The following ROBO1 variants were observed in gnomAD, a reference collection of about 807,000 sequenced individuals.
The protein encoded by ROBO1 is roundabout guidance receptor 1, also known as roundabout homolog 1.
A neutral mutation model predicts 195.9 loss-of-function variants in ROBO1; 149 were observed. The ratio of observed to expected loss-of-function variants is 0.76; its 90% confidence interval spans 0.67 to 0.87. The LOEUF is 0.87. Ranked by LOEUF, ROBO1 falls within the 40% of genes least tolerant of loss-of-function variation. The pLI is 0.00. For synonymous variants in ROBO1, 816 were observed against 733.2 expected (o/e 1.11, Z -1.82); for missense variants, 1,933 against 2,068.3 (o/e 0.93, Z 1.27).
In ROBO1 at chr3:78,888,408, C is replaced by T. The variant is rs376947859; in HGVS notation, c.499+50193G>A. On this transcript the variant is annotated intron_variant, in intron 4 of 30. Coordinates refer to ENST00000464233, the MANE Select transcript of ROBO1 (RefSeq NM_002941.4). ...TGGAGTTTAAACTATTGAGCTACTA[C>T]AACAAAGCTACTGCTAGTCTTCTGT... Among the ~76,000 whole-genome samples, 11 of 152,270 alleles carry T rather than the reference C, an allele frequency of 7.2e-5. No individual in the cohort carries two copies. The South Asian group carries it at 1.0e-3, about 14-fold the overall frequency.
intron 1 of ROBO1, among the ~76,000 whole-genome samples, chr3:79,724,807 T>TG (rs1049088912): frequency 3.3e-5 from 5 of 152,208 alleles, no homozygotes; most frequent in Admixed American, 2.0e-4. Context: ...CACAAAGTTT[T>TG]GGGGTAATTT....
Position 78,646,608 on chromosome 3 carries a change from GA to G in ROBO1, c.2840-419del, listed in dbSNP as rs35671439. On this transcript the variant is annotated intron_variant, in intron 20 of 30. Coordinates refer to ENST00000464233, the MANE Select transcript of ROBO1 (RefSeq NM_002941.4). ...TATATAGGTGTAAACTTAAACTCAGGAAAAAAAAAAACTACTAGATTATTTT... is the reference window on the plus strand; with the variant it reads ...TATATAGGTGTAAACTTAAACTCAGGAAAAAAAAAACTACTAGATTATTTT... Among the ~76,000 whole-genome samples the G allele has an allele frequency of 5.7e-3, 834 of 146,202 alleles. 7 individuals are homozygous for G. Among genetic ancestry groups the G allele is most frequent in the African/African-American group, 0.02 (793 of 40,160 alleles).
chr3:79,553,180 C>A (rs1942581676), intron 2 of ROBO1, among the ~76,000 whole-genome samples: 1 of 151,906 alleles, frequency 6.6e-6, no homozygotes. Context: ...GATTCGACAC[C>A]TCCATTTATT....
intron 2 of ROBO1, among the ~76,000 whole-genome samples, chr3:79,567,194 C>A (rs772180141): frequency 1.3e-5 from 2 of 152,036 alleles, no homozygotes; most frequent in Non-Finnish European, 2.9e-5. Context: ...TAAGTGGGAG[C>A]TGAACGATGA....
chr3:79,266,684 G>A (rs1453288246), intron 2 of ROBO1, among the ~76,000 whole-genome samples: 2 of 151,514 alleles, frequency 1.3e-5, no homozygotes, highest in African/African-American at 4.8e-5. Context: ...CCCTGAGTAG[G>A]TCTATTTGGT....
intron 2 of ROBO1, among the ~76,000 whole-genome samples, chr3:79,318,549 A>G (rs1039906836): frequency 1.3e-5 from 2 of 152,220 alleles, no homozygotes; most frequent in Admixed American, 1.3e-4. Flanking sequence ...TATTCTGGAG[A>G]CAGATTCAGC....
chr3:78,936,129 A>G (rs1243191385), intron 4 of ROBO1, among the ~76,000 whole-genome samples: 1 of 152,026 alleles, frequency 6.6e-6, no homozygotes, highest in East Asian at 1.9e-4. Flanking sequence ...ACTTCAACTT[A>G]AATAAATATT....
intron 4 of ROBO1, among the ~76,000 whole-genome samples, chr3:78,908,649 G>A: frequency 6.6e-6 from 1 of 151,752 alleles, no homozygotes; most frequent in Admixed American, 6.6e-5. Flanking sequence ...ATTCCTTATA[G>A]CATTAGTTTA....
chr3:79,671,297 A>G (rs1946624702), intron 1 of ROBO1, among the ~76,000 whole-genome samples: 1 of 151,896 alleles, frequency 6.6e-6, no homozygotes, highest in Non-Finnish European at 1.5e-5. Context: ...ATTCTCTTTT[A>G]AATAGAAATC....
At chr3:78,778,901 T>C (rs2083584553) in intron 4 of ROBO1, among the ~76,000 whole-genome samples, 1 of 152,064 alleles carries the variant, frequency 6.6e-6, no homozygotes, top group African/African-American at 2.4e-5. Context: ...ATGGTACTAG[T>C]ACCAAAACAA....
intron 1 of ROBO1, among the ~76,000 whole-genome samples, chr3:79,717,573 ACAT>A (rs1331885319): frequency 1.3e-5 from 2 of 152,016 alleles, no homozygotes; most frequent in African/African-American, 4.8e-5. Context: ...ATTTGAGAAA[ACAT>A]CATTTTCCCC....
At chr3:79,681,535 T>G (rs746944930) in intron 1 of ROBO1, among the ~76,000 whole-genome samples, 2 of 151,968 alleles carry the variant, frequency 1.3e-5, no homozygotes, top group Non-Finnish European at 2.9e-5. Flanking sequence ...GAATGTAAAG[T>G]GTGAAAAATA....
chr3:78,836,719 A>C (rs747386483), intron 4 of ROBO1, among the ~76,000 whole-genome samples: 12 of 152,098 alleles, frequency 7.9e-5, no homozygotes, highest in Non-Finnish European at 1.6e-4. Context: ...ATAAAGAAAA[A>C]CATCATAGTC....
At chr3:79,679,109 C>G (rs1345183452) in intron 1 of ROBO1, among the ~76,000 whole-genome samples, 2 of 151,956 alleles carry the variant, frequency 1.3e-5, no homozygotes, top group Non-Finnish European at 2.9e-5. Flanking sequence ...TACACTTCCT[C>G]TAATTAACAA....
At chr3:79,046,003 G>A (rs900652398) in intron 3 of ROBO1, among the ~76,000 whole-genome samples, 1 of 152,108 alleles carries the variant, frequency 6.6e-6, no homozygotes, top group Non-Finnish European at 1.5e-5. Flanking sequence ...CTCTAAGTTG[G>A]CCTTCCCTGA....
At chr3:79,572,896 G>A (rs547518770) in intron 2 of ROBO1, among the ~76,000 whole-genome samples, 19 of 152,132 alleles carry the variant, frequency 1.2e-4, no homozygotes, top group Admixed American at 3.9e-4. Flanking sequence ...CCTACAATCA[G>A]ATACGCAATA....
At chr3:78,664,617 C>T (rs1707627241) in intron 14 of ROBO1, among the ~76,000 whole-genome samples, 1 of 152,210 alleles carries the variant, frequency 6.6e-6, no homozygotes, top group African/African-American at 2.4e-5. Context: ...CTCCTGTACT[C>T]GGAACCTGTG....
At chr3:79,481,362 A>G (rs780999140) in intron 2 of ROBO1, among the ~76,000 whole-genome samples, 5 of 152,182 alleles carry the variant, frequency 3.3e-5, no homozygotes, top group African/African-American at 4.8e-5. Context: ...TAATTAAAAA[A>G]ATAAAAATAA....
chr3:79,260,107 A>AAT (rs145703074), intron 2 of ROBO1, among the ~76,000 whole-genome samples: 10,637 of 145,720 alleles, frequency 0.073, 404 homozygotes, highest in African/African-American at 0.12. Context: ...CACACACACA[A>AAT]ATATATATAT....
Sources: gnomAD v4.1 joint callset for allele counts (sites outside exome capture counted in the v4.1 genomes callset) on GRCh38, gnomAD v4.1.1 for gene constraint, MANE v1.5 for transcripts, NCBI Gene and HGNC (gene_info 2026-07-23, HGNC 2026-07-21) for gene names.